Variants in RARB observed in about 807,000 individuals in gnomAD.
RARB encodes the protein retinoic acid receptor beta.
A neutral mutation model predicts 51.9 loss-of-function variants in RARB; 17 were observed. The ratio of observed to expected loss-of-function variants is 0.33; its 90% CI spans 0.22 to 0.49. The LOEUF is 0.49. Ranked by LOEUF, RARB falls within the 20% of genes least tolerant of loss-of-function variation. The probability of loss-of-function intolerance (pLI) is 0.99; values close to 1 mark genes in which losing one functional copy is unlikely to be tolerated. For synonymous variants in RARB, 215 were observed against 195.4 expected (o/e 1.10, Z -0.84); for missense variants, 369 against 550.8 (o/e 0.67, Z 3.30).
chr3:25,249,953 C>G (rs941667188), intron 5 of RARB, among the ~76,000 whole-genome samples: 1 of 62,456 alleles, frequency 1.6e-5, no homozygotes, highest in East Asian at 3.5e-4. Context: ...GTGGCTTTCT[C>G]TGGTGCTGAT....
chr3:25,007,035 A>G (rs1697287247), intron 2 of RARB, among the ~76,000 whole-genome samples: 1 of 151,512 alleles, frequency 6.6e-6, no homozygotes, highest in African/African-American at 2.4e-5. Flanking sequence ...TGAGTTGCAG[A>G]CAGTGATTGC....
At chr3:25,120,766 T>C (rs959694816) in intron 3 of RARB, among the ~76,000 whole-genome samples, 2 of 152,186 alleles carry the variant, frequency 1.3e-5, no homozygotes, top group African/African-American at 4.8e-5. Context: ...ATAAGCAATA[T>C]GAGGCTTTTT....
At chr3:25,341,532 T>G (rs984396813) in intron 5 of RARB, among the ~76,000 whole-genome samples, 2 of 151,986 alleles carry the variant, frequency 1.3e-5, no homozygotes, top group African/African-American at 4.8e-5. Flanking sequence ...AAAGGAAGGG[T>G]TGGGGTGAAA....
At chr3:25,087,209 G>T (rs1032895155) in intron 3 of RARB, among the ~76,000 whole-genome samples, 2 of 152,100 alleles carry the variant, frequency 1.3e-5, no homozygotes, top group African/African-American at 4.8e-5. Context: ...GGTATATTGA[G>T]GCCTGTCTGA....
intron 1 of RARB, among the ~76,000 whole-genome samples, chr3:25,448,870 T>A (rs1308851854): frequency 1.3e-5 from 2 of 152,136 alleles, no homozygotes; most frequent in Admixed American, 1.3e-4. Flanking sequence ...TACTTCAAGT[T>A]ACTCCTCTCA....
intron 3 of RARB, among the ~76,000 whole-genome samples, chr3:25,563,904 T>TTGC (rs1700372992): frequency 4.0e-5 from 6 of 151,264 alleles, no homozygotes; most frequent in South Asian, 4.2e-4. Flanking sequence ...CTAAGCTGAA[T>TTGC]ATAGAGAACT....
At chr3:25,519,310 G>A (rs1439531305) in intron 3 of RARB, among the ~76,000 whole-genome samples, 1 of 140,092 alleles carries the variant, frequency 7.1e-6, no homozygotes, top group Non-Finnish European at 1.5e-5. Context: ...TCAGTCACAG[G>A]GACACGTGTT....
At chr3:25,451,254 A>G (rs1164609821) in intron 1 of RARB, among the ~76,000 whole-genome samples, 1 of 152,242 alleles carries the variant, frequency 6.6e-6, no homozygotes, top group East Asian at 1.9e-4. Flanking sequence ...TGGTTTACCA[A>G]CAGAAATCAG....
At chr3:25,322,052 A>G (rs1704586089) in intron 5 of RARB, among the ~76,000 whole-genome samples, 1 of 152,174 alleles carries the variant, frequency 6.6e-6, no homozygotes, top group Non-Finnish European at 1.5e-5. Flanking sequence ...ATGAAATAAA[A>G]TGCATTATAA....
chr3:24,929,017 C>T (rs184854166), intron 2 of RARB, among the ~76,000 whole-genome samples: 139 of 152,084 alleles, frequency 9.1e-4, no homozygotes, highest in Non-Finnish European at 1.2e-4. Flanking sequence ...CTGTTTATTG[C>T]ATACATTGAA....
At chr3:25,071,807 G>T (rs368624255) in intron 3 of RARB, among the ~76,000 whole-genome samples, 1 of 152,174 alleles carries the variant, frequency 6.6e-6, no homozygotes, top group Non-Finnish European at 1.5e-5. Flanking sequence ...TAGTAGGACA[G>T]TTGAACATGC....
intron 2 of RARB, among the ~76,000 whole-genome samples, chr3:24,938,244 C>G (rs1695586192): frequency 6.6e-6 from 1 of 152,202 alleles, no homozygotes; most frequent in African/African-American, 2.4e-5. Context: ...CAATTGAACA[C>G]TGGCAATTTT....
chr3:25,154,627 T>C (rs1166083086), intron 4 of RARB, among the ~76,000 whole-genome samples: 1 of 152,228 alleles, frequency 6.6e-6, no homozygotes, highest in African/African-American at 2.4e-5. Context: ...AGTGGGTACA[T>C]GCAGGAGAAA....
chr3:24,874,177 G>T (rs1703000200), intron 2 of RARB, among the ~76,000 whole-genome samples: 1 of 151,982 alleles, frequency 6.6e-6, no homozygotes, highest in South Asian at 2.1e-4. Flanking sequence ...GATATAAAGG[G>T]ATGACTACTT....
At chr3:24,878,348 G>A (rs1268523540) in intron 2 of RARB, among the ~76,000 whole-genome samples, 3 of 149,560 alleles carry the variant, frequency 2.0e-5, no homozygotes, top group Non-Finnish European at 3.0e-5. Flanking sequence ...TGCTTGGCTT[G>A]TTTCCAAGTT....
intron 3 of RARB, among the ~76,000 whole-genome samples, chr3:25,512,068 T>A (rs1364424096): frequency 6.6e-6 from 1 of 152,186 alleles, no homozygotes; most frequent in Non-Finnish European, 1.5e-5. Flanking sequence ...GTCTGTAACA[T>A]GAAGAGAGTA....
At chr3:25,212,793 A>G (rs534761457) in intron 5 of RARB, among the ~76,000 whole-genome samples, 77 of 152,246 alleles carry the variant, frequency 5.1e-4, no homozygotes, top group African/African-American at 1.6e-3. Context: ...TTACAAACCT[A>G]TGATTGTTAG....
chr3:25,211,482 C>T (rs921453942), intron 5 of RARB, among the ~76,000 whole-genome samples: 1 of 152,060 alleles, frequency 6.6e-6, no homozygotes, highest in Non-Finnish European at 1.5e-5. Flanking sequence ...GCATTATAGT[C>T]CTGTGGAAAT....
chr3:25,412,879 C>T (rs1707599660), intron 5 of RARB, among the ~76,000 whole-genome samples: 1 of 152,038 alleles, frequency 6.6e-6, no homozygotes, highest in Non-Finnish European at 1.5e-5. Context: ...ATTATCCAGG[C>T]ATGGTGGCGC....
Sources: allele counts gnomAD v4.1 joint callset (sites outside exome capture counted in the v4.1 genomes callset), GRCh38; gene constraint gnomAD v4.1.1; transcripts MANE v1.5; gene names NCBI Gene and HGNC (gene_info 2026-07-23, HGNC 2026-07-21).